The following DIP2A variants were observed in gnomAD, a reference collection of about 807,000 sequenced individuals.
The protein encoded by DIP2A is DIP2 acetate--CoA ligase A.
A neutral mutation model predicts 177.4 loss-of-function variants in DIP2A; 85 were observed. The ratio of observed to expected loss-of-function variants is 0.48; its 90% CI spans 0.40 to 0.57. The LOEUF is 0.57. DIP2A is among the 20% of genes least tolerant of loss of function. The probability of loss-of-function intolerance (pLI) is 0.00; values close to 1 mark genes in which losing one functional copy is unlikely to be tolerated. For synonymous variants in DIP2A, 886 were observed against 881.8 expected, an observed-to-expected ratio of 1.00 and a Z score of -0.08; for missense variants, 1,791 against 2,100.2, an observed-to-expected ratio of 0.85 and a Z score of 2.88.
rs1411055179 is a variant in DIP2A at position 46,524,630 on chromosome 21, CA to C, written c.1103-4460del. Among the ~76,000 whole-genome samples the C allele has an allele frequency of 5.9e-5, 9 of 152,264 alleles. No individual in the cohort carries two copies. The East Asian group carries it at 1.7e-3, about 29-fold the overall frequency. ...GCAAGTCAGTGTAGTAAAGTGAAAG[CA>C]AGTTTATTAAGAAAGCAAAGGAGTA... On this transcript the variant is annotated intron_variant, in intron 8 of 37. Coordinates refer to ENST00000417564, the MANE Select transcript of DIP2A (RefSeq NM_015151.4).
rs4299411 is a variant in DIP2A at position 46,543,480 on chromosome 21, A to T, written c.2176+1585A>T. Among the ~76,000 whole-genome samples, 37 of 148,594 alleles carry T rather than the reference A, an allele frequency of 2.5e-4. No individual in the cohort carries two copies. The Middle Eastern group carries it at 0.014, about 57-fold the overall frequency. On this transcript the variant is annotated intron_variant, in intron 18 of 37. Transcript: ENST00000417564. ...GCTCCACCAGACGTGCATGCAGCGCACCCCCCTCCCCCAGGTGTGTGCATG... is the reference window on the plus strand; with the variant it reads ...GCTCCACCAGACGTGCATGCAGCGCTCCCCCCTCCCCCAGGTGTGTGCATG...
intron 18 of DIP2A, among the ~76,000 whole-genome samples, chr21:46,544,855 A>G (rs1048791953): frequency 6.6e-6 from 1 of 152,140 alleles, no homozygotes. Flanking sequence ...GGGTTTATTT[A>G]TCGTAGTACA....
intron 36 of DIP2A, 124 bp downstream of exon 36, chr21:46,566,011 G>A: frequency 8.6e-7 from 1 of 1,166,200 alleles, no homozygotes. Context: ...CCTTGTGGGG[G>A]GAAGATGTTC....
intron 6 of DIP2A, among the ~76,000 whole-genome samples, chr21:46,508,879 T>C (rs11089073): frequency 0.63 from 94,838 of 151,006 alleles, 30,022 homozygotes; most frequent in East Asian, 0.79. Context: ...ATTAGCCAGG[T>C]GTGGTGGCGC....
chr21:46,459,276 G>T, intron 1 of DIP2A, 54 bp downstream of exon 1: 1 of 1,324,434 alleles, frequency 7.6e-7, no homozygotes, highest in South Asian at 1.4e-5. Flanking sequence ...CCGGTCCCCC[G>T]CGCAGCCCCT....
At chr21:46,492,233 C>G (rs746000553) in intron 3 of DIP2A, among the ~76,000 whole-genome samples, 4 of 152,136 alleles carry the variant, frequency 2.6e-5, no homozygotes, top group Non-Finnish European at 5.9e-5. Flanking sequence ...TGTTCCTGGG[C>G]CATTCCTTAA....
intron 6 of DIP2A, among the ~76,000 whole-genome samples, chr21:46,506,768 C>CTTT (rs146990096): frequency 1.6e-5 from 1 of 63,062 alleles, no homozygotes; most frequent in South Asian, 4.1e-4. Flanking sequence ...TTCTTTCTTT[C>CTTT]TTTCTTTTCT....
At chr21:46,519,165 A>G (rs892411535) in intron 8 of DIP2A, among the ~76,000 whole-genome samples, 27 of 152,176 alleles carry the variant, frequency 1.8e-4, no homozygotes, top group African/African-American at 6.3e-4. Flanking sequence ...CATTGTAAGT[A>G]GTATATAATG....
intron 32 of DIP2A, among the ~76,000 whole-genome samples, chr21:46,560,130 A>G (rs1196459355): frequency 6.6e-6 from 1 of 152,246 alleles, no homozygotes; most frequent in Non-Finnish European, 1.5e-5. Flanking sequence ...TCCAGTGCAG[A>G]CACAGGTTAT....
chr21:46,546,348 C>T (rs2060038516), intron 20 of DIP2A: 2 of 1,033,444 alleles, frequency 1.9e-6, no homozygotes, highest in Non-Finnish European at 2.3e-6. Flanking sequence ...AATTTTGCCC[C>T]TTCCCTCCCA....
chr21:46,459,729 C>T (rs1052465595), intron 1 of DIP2A, among the ~76,000 whole-genome samples: 4 of 147,656 alleles, frequency 2.7e-5, no homozygotes, highest in African/African-American at 1.1e-4. Context: ...ACAAGGACTC[C>T]TCCCCCCAGG....
Position 46,566,704 on chromosome 21 carries a change from C to T in DIP2A, c.4463+21C>T, listed in dbSNP as rs375322513. The T allele has an allele frequency of 7.6e-5, 122 of 1,613,754 alleles. No homozygotes were observed. In the African/African-American group the frequency reaches 1.1e-3, roughly 14 times the overall value. ...GAGTGGTAAGAGCCCAGGTGGAGGG[C>T]GGCTTCACGTGGTCCCTCCAGCCCT... On this transcript the variant is annotated intron_variant, in intron 37 of 37. Coordinates refer to ENST00000417564, the MANE Select transcript of DIP2A (RefSeq NM_015151.4).
intron 9 of DIP2A, among the ~76,000 whole-genome samples, chr21:46,529,991 A>C (rs1360899200): frequency 4.6e-5 from 7 of 152,214 alleles, no homozygotes; most frequent in African/African-American, 1.7e-4. Context: ...TAAAATAAAA[A>C]ATTTAGTTTC....
intron 8 of DIP2A, among the ~76,000 whole-genome samples, chr21:46,526,756 C>T (rs1010796896): frequency 6.6e-6 from 1 of 152,166 alleles, no homozygotes; most frequent in African/African-American, 2.4e-5. Context: ...ATATATTTAG[C>T]AGCCTTGCTA....
chr21:46,571,391 G>A (rs940411983), downstream of DIP2A, among the ~76,000 whole-genome samples: 1 of 152,156 alleles, frequency 6.6e-6, no homozygotes, highest in Non-Finnish European at 1.5e-5. Context: ...AAGGTAGTGG[G>A]CCAATATATT....
rs776769070 is a variant in DIP2A, at chr21:46,471,293, A to G, written c.91+12071A>G. Among the ~76,000 whole-genome samples, 8 of 152,134 alleles carry G rather than the reference A, an allele frequency of 5.3e-5. No individual in the cohort carries two copies. In the South Asian group the frequency reaches 6.2e-4, roughly 12 times the overall value. ...CGATCTTCCTGCCTTGGCCTCCCAA[A>G]GTCCTGGGTTTACAGGCATGAGCCA... On this transcript the variant is annotated intron_variant, in intron 1 of 37. Transcript: ENST00000417564.
chr21:46,524,872 CTTTTTTTTTTTTTTTTTTTTTT>C (rs3061062), intron 8 of DIP2A, among the ~76,000 whole-genome samples: 3 of 63,404 alleles, frequency 4.7e-5, no homozygotes, highest in Admixed American at 3.8e-4. Context: ...TTGCTTTTTG[CTTTTTTTTTTTTTTTTTTTTTT>C]TTTTTTTTTT....
In DIP2A at chr21:46,556,240, C is replaced by A; in HGVS notation, c.3498+149C>A. On this transcript the variant is annotated intron_variant, in intron 29 of 37. Transcript: ENST00000417564. This position sits in a 1 kb window ranked among gnomAD's most constrained non-coding sequence, Gnocchi z 4.5. ...GCTTCTTAAGATTTGTGTTAAATAC[C>A]AATAAATGCTAAGATGTGATTAGCC... 7.1e-7 allele frequency: 1 copy of A among 1,416,732 alleles called. No homozygotes were observed. Among genetic ancestry groups the A allele is most frequent in the Non-Finnish European group, 9.8e-7 (1 of 1,024,634 alleles). The allele number at this position is 1,416,732 out of a possible 1,614,324, so 87.8% of individuals were successfully genotyped here. A position where few individuals can be genotyped will look rare whatever the true frequency, so the allele number is the denominator to read the frequency against.
chr21:46,545,292 C>T lies in DIP2A; in HGVS notation c.2313+19C>T, dbSNP rs150180949. 0.014 allele frequency: 22,288 copies of T among 1,581,546 alleles called. 186 individuals carry two copies. Among genetic ancestry groups the T allele is most frequent in the Non-Finnish European group, 0.017 (19,842 of 1,155,428 alleles). ...GTTTGAGGTTTGTCCCTTTTCCTGA[C>T]TTTCATGTTGAAGTTAAGTTGCATG... On this transcript the variant is annotated intron_variant, in intron 19 of 37. Transcript: ENST00000417564.
Sources: gnomAD v4.1 joint callset for allele counts (sites outside exome capture counted in the v4.1 genomes callset) on GRCh38, gnomAD v4.1.1 for gene constraint, Gnocchi (gnomAD v3.1) non-coding constraint, MANE v1.5 for transcripts, NCBI Gene and HGNC (gene_info 2026-07-23, HGNC 2026-07-21) for gene names.